The following CFAP47 variants were observed in gnomAD, a reference collection of about 807,000 sequenced individuals.
The protein encoded by CFAP47 is cilia- and flagella-associated protein 47.
In CFAP47, 29 loss-of-function variants were observed where a neutral mutation model predicts 148.1. That is an observed-to-expected ratio of 0.20 (90% CI 0.15 to 0.27). The LOEUF is 0.27. Ranked by LOEUF, CFAP47 falls within the 10% of genes least tolerant of loss-of-function variation. The pLI is 1.00. For synonymous variants in CFAP47, 664 were observed against 577.3 expected, an observed-to-expected ratio of 1.15 and a Z score of -2.15; for missense variants, 1,872 against 1,697.5, an observed-to-expected ratio of 1.10 and a Z score of -1.81.
chrX:36,311,630 G>C (rs1473851704), intron 56 of CFAP47, among the ~76,000 whole-genome samples: 8 of 110,012 alleles, frequency 7.3e-5, no homozygotes, highest in Non-Finnish European at 1.5e-4. Context: ...GCAATTATTG[G>C]GTTAAAGTTA....
intron 21 of CFAP47, among the ~76,000 whole-genome samples, chrX:36,005,122 CTG>C (rs1936966586): frequency 9.1e-6 from 1 of 110,010 alleles, no homozygotes; most frequent in Admixed American, 9.7e-5. Context: ...AAAGTTTTGT[CTG>C]TTTTGATATT....
chrX:36,371,674 G>A (rs781859503), intron 62 of CFAP47, among the ~76,000 whole-genome samples: 10 of 74,292 alleles, frequency 1.3e-4, no homozygotes, highest in African/African-American at 5.8e-4. Flanking sequence ...ATACACACAT[G>A]TGTATATATG....
chrX:36,268,226 C>G (rs1411823566), intron 49 of CFAP47, among the ~76,000 whole-genome samples: 1 of 113,394 alleles, frequency 8.8e-6, no homozygotes, highest in Non-Finnish European at 1.9e-5. Context: ...ATAGAAGAAG[C>G]AATGCATTTT....
intron 15 of CFAP47, among the ~76,000 whole-genome samples, chrX:35,979,650 A>T (rs1302500269): frequency 8.9e-6 from 1 of 111,881 alleles, no homozygotes; most frequent in Non-Finnish European, 1.9e-5. Flanking sequence ...TGCTGTACTG[A>T]TCACATAGGA....
At chrX:36,366,563 G>GA (rs1243229884) in intron 61 of CFAP47, among the ~76,000 whole-genome samples, 1 of 110,299 alleles carries the variant, frequency 9.1e-6, no homozygotes, top group African/African-American at 3.3e-5. Context: ...TTTCATTTTT[G>GA]AAAAAAATCC....
At chrX:36,258,650 G>A (rs1288623266) in intron 49 of CFAP47, among the ~76,000 whole-genome samples, 3 of 111,559 alleles carry the variant, frequency 2.7e-5, no homozygotes, top group Non-Finnish European at 5.7e-5. Flanking sequence ...AAAAATGAAA[G>A]GCCACCATCG....
At chrX:36,179,127 A>G (rs1402382453) in intron 39 of CFAP47, among the ~76,000 whole-genome samples, 1 of 112,366 alleles carries the variant, frequency 8.9e-6, no homozygotes, top group South Asian at 3.6e-4. Flanking sequence ...ATAAAAAGAT[A>G]CTATGTTTCA....
chrX:36,041,566 C>A (rs898458361), intron 25 of CFAP47, among the ~76,000 whole-genome samples: 3 of 111,009 alleles, frequency 2.7e-5, no homozygotes, highest in Non-Finnish European at 5.7e-5. Flanking sequence ...GTTTTATGAT[C>A]TCAGAAATTT....
intron 3 of CFAP47, among the ~76,000 whole-genome samples, chrX:35,947,039 T>C (rs1936094205): frequency 9.0e-6 from 1 of 111,718 alleles, no homozygotes. Flanking sequence ...ACCAATCCCC[T>C]TTGCCCTTAT....
At chrX:36,355,125 T>C (rs782674698) in intron 60 of CFAP47, among the ~76,000 whole-genome samples, 5 of 110,895 alleles carry the variant, frequency 4.5e-5, no homozygotes, top group Non-Finnish European at 9.4e-5. Flanking sequence ...TGAAAAAAAG[T>C]TCAATATCAC....
intron 33 of CFAP47, among the ~76,000 whole-genome samples, chrX:36,121,615 C>G (rs940809180): frequency 9.0e-6 from 1 of 111,470 alleles, no homozygotes; most frequent in Non-Finnish European, 1.9e-5. Context: ...CAACTTAACA[C>G]TGGTTGCCTA....
At chrX:36,285,097 T>TA (rs1409951796) in intron 50 of CFAP47, among the ~76,000 whole-genome samples, 22 of 111,382 alleles carry the variant, frequency 2.0e-4, no homozygotes, top group Admixed American at 5.7e-4. Context: ...TCTCACGACT[T>TA]AGTCTATGTC....
At chrX:35,985,671 A>G (rs1183387688) in intron 15 of CFAP47, among the ~76,000 whole-genome samples, 1 of 111,769 alleles carries the variant, frequency 8.9e-6, no homozygotes, top group African/African-American at 3.3e-5. Flanking sequence ...GCTACTGGAA[A>G]TGACAGTAGA....
chrX:36,378,945 G>A (rs1037585733), intron 62 of CFAP47, among the ~76,000 whole-genome samples: 1 of 110,433 alleles, frequency 9.1e-6, no homozygotes, highest in Non-Finnish European at 1.9e-5. Context: ...CTGAGTAGCT[G>A]GGATTACAGG....
intron 8 of CFAP47, among the ~76,000 whole-genome samples, chrX:35,960,767 G>T (rs755111300): frequency 1.8e-5 from 2 of 110,369 alleles, no homozygotes; most frequent in Non-Finnish European, 3.8e-5. Flanking sequence ...TAGTTTTTTG[G>T]TGGATTCTTT....
At chrX:36,151,879 G>C (rs1939310824) in intron 37 of CFAP47, among the ~76,000 whole-genome samples, 1 of 112,022 alleles carries the variant, frequency 8.9e-6, no homozygotes, top group Admixed American at 9.5e-5. Flanking sequence ...AGGCTGAGAA[G>C]CTCAAGATCA....
At chrX:35,999,146 C>G (rs756295643) in intron 19 of CFAP47, among the ~76,000 whole-genome samples, 9 of 111,815 alleles carry the variant, frequency 8.0e-5, no homozygotes, top group Non-Finnish European at 1.5e-4. Flanking sequence ...AATGGGATAA[C>G]AAGAGTGATT....
rs922813639 is a variant in CFAP47 at position 36,357,101 on chromosome X, T to C, written c.8851+3420T>C. On this transcript the variant is annotated intron_variant, in intron 60 of 63. Coordinates refer to ENST00000378653, the MANE Select transcript of CFAP47 (RefSeq NM_001304548.2). The stretch of plus-strand genomic sequence containing the variant: ...AAGTGTGAATCCTGGAATCAAGACA[T>C]TGGGGAAGAAAGAGAAGGGTATGCT... Among the ~76,000 whole-genome samples, 9 of 111,558 alleles carry C rather than the reference T, an allele frequency of 8.1e-5. No individual in the cohort carries two copies. In the East Asian group the frequency reaches 2.3e-3, roughly 28 times the overall value.
rs782337968 is a variant in CFAP47 at position 36,361,270 on chromosome X, G to T, written c.8852-60G>T. 268 of 629,206 alleles carry T rather than the reference G, an allele frequency of 4.3e-4. 1 individual carries two copies. The highest frequency in any genetic ancestry group is 6.2e-4 in the Non-Finnish European group (254 of 412,472). The allele number at this position is 629,206 out of a possible 1,213,427, so 51.9% of individuals were successfully genotyped here. On this transcript the variant is annotated intron_variant, in intron 60 of 63. Transcript: ENST00000378653. ...GCATTGTTAGTCTTGACAGGTAATT[G>T]ATATTAAATCTATGCATATTTAATT...
Sources: allele counts gnomAD v4.1 joint callset (sites outside exome capture counted in the v4.1 genomes callset), GRCh38; gene constraint gnomAD v4.1.1; transcripts MANE v1.5; gene names NCBI Gene and HGNC (gene_info 2026-07-23, HGNC 2026-07-21).